The following PTPRK variants were observed in gnomAD, a reference collection of about 807,000 sequenced individuals.
PTPRK encodes the protein receptor-type tyrosine-protein phosphatase kappa.
A neutral mutation model predicts 178.0 loss-of-function variants in PTPRK; 75 were observed. That is an observed-to-expected ratio of 0.42 (90% CI 0.35 to 0.51). The LOEUF (loss-of-function observed/expected upper bound fraction) is 0.51. Among genes scored for constraint, PTPRK ranks in the 20% least tolerant of loss-of-function variants. The probability of loss-of-function intolerance (pLI) is 0.02; values close to 1 mark genes in which losing one functional copy is unlikely to be tolerated. For missense variants in PTPRK, 1,441 were observed against 1,797.8 expected (o/e 0.80, Z 3.59); for synonymous variants, 637 against 620.6 (o/e 1.03, Z -0.39).
chr6:128,234,908 T>A (rs993079764), intron 5 of PTPRK, among the ~76,000 whole-genome samples: 16 of 152,242 alleles, frequency 1.1e-4, no homozygotes, highest in African/African-American at 3.9e-4. Context: ...GCAATCACTT[T>A]ATCCAGTGTT....
chr6:128,474,870 T>A (rs539874568), intron 1 of PTPRK, among the ~76,000 whole-genome samples: 2 of 152,124 alleles, frequency 1.3e-5, no homozygotes, highest in Non-Finnish European at 2.9e-5. Flanking sequence ...TTAAGAACCA[T>A]TAGTACTTGT....
chr6:128,400,168 G>A (rs1840840538), intron 1 of PTPRK, among the ~76,000 whole-genome samples: 1 of 152,004 alleles, frequency 6.6e-6, no homozygotes. Context: ...GTGTTATGCG[G>A]GATAATAATA....
At chr6:128,248,968 A>T (rs900014992) in intron 3 of PTPRK, among the ~76,000 whole-genome samples, 17 of 152,312 alleles carry the variant, frequency 1.1e-4, no homozygotes, top group Middle Eastern at 3.4e-3. Flanking sequence ...ACAGGATAAA[A>T]TCCAAATCAC....
chr6:128,196,172 G>A (rs1395377355), intron 6 of PTPRK, among the ~76,000 whole-genome samples: 1 of 151,962 alleles, frequency 6.6e-6, no homozygotes, highest in Non-Finnish European at 1.5e-5. Flanking sequence ...CTTAATGATG[G>A]GGGAAGAAAA....
intron 7 of PTPRK, among the ~76,000 whole-genome samples, chr6:128,175,551 G>A (rs1466609667): frequency 6.6e-6 from 1 of 151,658 alleles, no homozygotes; most frequent in Non-Finnish European, 1.5e-5. Context: ...ATGTTCTGTA[G>A]AAACAAAGGA....
chr6:128,314,738 A>G (rs984241053), intron 3 of PTPRK, among the ~76,000 whole-genome samples: 3 of 152,166 alleles, frequency 2.0e-5, no homozygotes, highest in African/African-American at 7.2e-5. Flanking sequence ...CAGAATGGAC[A>G]TGAACATGTG....
At chr6:128,486,664 A>T (rs887962923) in intron 1 of PTPRK, among the ~76,000 whole-genome samples, 2 of 151,966 alleles carry the variant, frequency 1.3e-5, no homozygotes, top group Non-Finnish European at 2.9e-5. Flanking sequence ...TTAGCCAGGC[A>T]TGGAGGCATG....
intron 15 of PTPRK, among the ~76,000 whole-genome samples, chr6:128,001,737 G>A (rs938342850): frequency 6.6e-6 from 1 of 151,872 alleles, no homozygotes; most frequent in Non-Finnish European, 1.5e-5. Context: ...GTATTTTTAT[G>A]AGTTCATATT....
intron 6 of PTPRK, among the ~76,000 whole-genome samples, chr6:128,197,184 CTTTT>C (rs5879879): frequency 1.4e-5 from 2 of 138,632 alleles, no homozygotes; most frequent in African/African-American, 5.3e-5. Flanking sequence ...TTGTTTTTTT[CTTTT>C]TTTTTTTTTT....
chr6:128,133,193 C>T (rs1191287196), intron 7 of PTPRK, among the ~76,000 whole-genome samples: 1 of 152,038 alleles, frequency 6.6e-6, no homozygotes, highest in East Asian at 1.9e-4. Flanking sequence ...TTGTGTGATA[C>T]TATATAACAA....
chr6:128,004,794 A>G (rs1013413881), intron 15 of PTPRK, among the ~76,000 whole-genome samples: 1 of 151,794 alleles, frequency 6.6e-6, no homozygotes, highest in Admixed American at 6.6e-5. Context: ...GCAATCGTGT[A>G]TTTCCACTTA....
intron 25 of PTPRK, among the ~76,000 whole-genome samples, chr6:127,979,353 A>G (rs1243925761): frequency 6.6e-6 from 1 of 152,246 alleles, no homozygotes; most frequent in Admixed American, 6.5e-5. Flanking sequence ...CAATGGCAAA[A>G]AATTCAAAGG....
chr6:128,472,018 G>A (rs1228376195), intron 1 of PTPRK, among the ~76,000 whole-genome samples: 1 of 151,920 alleles, frequency 6.6e-6, no homozygotes, highest in African/African-American at 2.4e-5. Flanking sequence ...AAAGAGAGGG[G>A]GGAAAGAAGA....
chr6:128,349,046 AAAAG>A (rs1832783472), intron 2 of PTPRK, among the ~76,000 whole-genome samples: 1 of 152,112 alleles, frequency 6.6e-6, no homozygotes, highest in Admixed American at 6.6e-5. Flanking sequence ...CAATTACCAG[AAAAG>A]AAAGAAATGA....
At chr6:128,451,969 C>T (rs1562550207) in intron 1 of PTPRK, among the ~76,000 whole-genome samples, 2 of 152,058 alleles carry the variant, frequency 1.3e-5, no homozygotes, top group East Asian at 3.9e-4. Context: ...GAAAACCTAC[C>T]AAATGCCAAG....
intron 6 of PTPRK, among the ~76,000 whole-genome samples, chr6:128,189,472 C>T (rs951556573): frequency 7.2e-5 from 11 of 151,860 alleles, no homozygotes; most frequent in African/African-American, 2.4e-4. Context: ...AACTCCTGAC[C>T]TTGTGATCCT....
At chr6:128,021,131 G>A (rs1773435786) in intron 13 of PTPRK, among the ~76,000 whole-genome samples, 2 of 152,154 alleles carry the variant, frequency 1.3e-5, no homozygotes, top group Non-Finnish European at 2.9e-5. Context: ...GGCCTTGAGT[G>A]AATGAATGAA....
intron 2 of PTPRK, among the ~76,000 whole-genome samples, chr6:128,357,537 C>G (rs188258415): frequency 6.6e-6 from 1 of 152,328 alleles, no homozygotes; most frequent in East Asian, 1.9e-4. Flanking sequence ...TCCCAGACAT[C>G]TAGCTCCACT....
chr6:128,491,090 C>T lies in PTPRK; in HGVS notation c.100+29169G>A, dbSNP rs373208865. On this transcript the variant is annotated intron_variant, in intron 1 of 29. Transcript: ENST00000368226. Reference sequence around the variant, plus strand: ...AACAGTATAAAACAATAATAGCTACCTCACATGACTGTGGTGATGATTAGA... The same window carrying T: ...AACAGTATAAAACAATAATAGCTACTTCACATGACTGTGGTGATGATTAGA... Among the ~76,000 whole-genome samples, 5 of 152,206 alleles carry T rather than the reference C, an allele frequency of 3.3e-5. No homozygotes were observed. In the East Asian group the frequency reaches 7.7e-4, roughly 23 times the overall value.
Sources: gnomAD v4.1 joint callset for allele counts (sites outside exome capture counted in the v4.1 genomes callset) on GRCh38, gnomAD v4.1.1 for gene constraint, MANE v1.5 for transcripts, NCBI Gene and HGNC (gene_info 2026-07-23, HGNC 2026-07-21) for gene names.